ACACA: variants seen among roughly 807,000 people sequenced by gnomAD.
ACACA encodes acetyl-CoA carboxylase 1.
In ACACA, 103 loss-of-function variants were observed where a neutral mutation model predicts 296.1. That is an observed-to-expected ratio of 0.35 (90% confidence interval 0.30 to 0.41). The LOEUF (loss-of-function observed/expected upper bound fraction) is 0.41, where lower values mean the gene tolerates loss of function less well. ACACA is among the 10% of genes least tolerant of loss of function. ACACA has a pLI of 1.00. For synonymous variants in ACACA, 953 were observed against 1,038.6 expected (o/e 0.92, Z 1.58); for missense variants, 1,554 against 2,989.7 (o/e 0.52, Z 11.20).
intron 1 of ACACA, among the ~76,000 whole-genome samples, chr17:37,395,098 G>T (rs35296298): frequency 0.24 from 36,719 of 151,702 alleles, 4,565 homozygotes; most frequent in Middle Eastern, 0.37. Context: ...ATAATAAAAA[G>T]ACACATACAA....
In ACACA at chr17:37,232,528, AGC is replaced by A. The variant is rs565061218; in HGVS notation, c.3246+2445_3246+2446del. ...AGGAAGAAGGAAGGGGGAACAGCTA[AGC>A]GTTGTCAAAGAGGAAAAGAGGAAGA... On this transcript the variant is annotated intron_variant, in intron 25 of 55. Coordinates refer to ENST00000616317, the MANE Select transcript of ACACA (RefSeq NM_198834.3). 1.5e-3 allele frequency among the ~76,000 whole-genome samples: 222 copies of A among 152,288 alleles called. 1 individual carries two copies. The highest frequency in any genetic ancestry group is 0.012 in the Admixed American group (181 of 15,294).
At chr17:37,194,941 C>A (rs969116289) in intron 35 of ACACA, among the ~76,000 whole-genome samples, 7 of 151,912 alleles carry the variant, frequency 4.6e-5, no homozygotes, top group Admixed American at 6.6e-5. Flanking sequence ...ACACCCCCCC[C>A]ACCCGTTATG....
intron 1 of ACACA, among the ~76,000 whole-genome samples, chr17:37,393,336 A>G (rs558636970): frequency 6.6e-6 from 1 of 151,982 alleles, no homozygotes; most frequent in Admixed American, 6.6e-5. Context: ...ATAAAATAGG[A>G]AGAAAAAAAA....
At position 37,113,708 on chromosome 17, in the gene ACACA, A is replaced by AGC. The variant is rs2074096820; in HGVS notation, c.6275-444_6275-443insGC. On this transcript the variant is annotated intron_variant, in intron 50 of 55. Transcript: ENST00000616317. The surrounding 1 kb of genome is among the most constrained non-coding windows in gnomAD (Gnocchi z 4.0). Reference sequence around the variant, plus strand: ...TGCTTAGCATAGGATGAGCTCTTCAAATGTGCACCTAATGGAAATTGATCC... The same window carrying AGC: ...TGCTTAGCATAGGATGAGCTCTTCAAGCATGTGCACCTAATGGAAATTGATCC... Among the ~76,000 whole-genome samples the AGC allele has an allele frequency of 6.6e-6, 1 of 152,194 alleles. No homozygotes were observed. Among genetic ancestry groups the AGC allele is most frequent in the Non-Finnish European group, 1.5e-5 (1 of 68,044 alleles).
At chr17:37,201,410 G>A (rs893565290) in intron 33 of ACACA, among the ~76,000 whole-genome samples, 3 of 151,798 alleles carry the variant, frequency 2.0e-5, no homozygotes, top group African/African-American at 7.3e-5. Flanking sequence ...CTCCAGCCTG[G>A]GTGACAGAAT....
chr17:37,207,029 C>T lies in ACACA; in HGVS notation c.3852-150G>A, dbSNP rs192262706. 3.7e-4 allele frequency: 268 copies of T among 724,372 alleles called. 4 individuals are homozygous for T. Among genetic ancestry groups the T allele is most frequent in the South Asian group, 3.3e-3 (209 of 62,444 alleles). The allele number at this position is 724,372 out of a possible 1,614,324, so 44.9% of individuals were successfully genotyped here. On this transcript the variant is annotated intron_variant, in intron 31 of 55. Transcript: ENST00000616317. Reference sequence around the variant, plus strand: ...ATCACCAGTGGCTAGAGGTGACATGCAAAATTTCACCAAGTGGCAGAAATT... The same window carrying T: ...ATCACCAGTGGCTAGAGGTGACATGTAAAATTTCACCAAGTGGCAGAAATT...
intron 1 of ACACA, among the ~76,000 whole-genome samples, chr17:37,375,808 C>G: frequency 6.6e-6 from 1 of 152,196 alleles, no homozygotes; most frequent in East Asian, 1.9e-4. Flanking sequence ...TTATGGCCTT[C>G]CTGCTCGAGA....
At chr17:37,285,858 T>C (rs1299771407) in intron 3 of ACACA, among the ~76,000 whole-genome samples, 1 of 152,066 alleles carries the variant, frequency 6.6e-6, no homozygotes, top group Non-Finnish European at 1.5e-5. Context: ...TTGGTATGTA[T>C]TTTACAATTG....
chr17:37,135,912 C>CTTTT (rs746761290), intron 45 of ACACA, among the ~76,000 whole-genome samples: 2 of 137,728 alleles, frequency 1.5e-5, no homozygotes, highest in African/African-American at 2.7e-5. Flanking sequence ...AACAGGAATT[C>CTTTT]TTTTTTTTTT....
rs1461394236 is a variant in ACACA, at chr17:37,085,474, T to G, written c.*1842A>C. ...CACTTGTAGATATGTGGGATTTGAT[T>G]TATTGCAAAAAAGCATAGAAGAATA... On this transcript the variant is annotated 3_prime_UTR_variant, in exon 56 of 56. Transcript: ENST00000616317. The G allele has an allele frequency of 2.5e-6, 1 of 397,426 alleles. No individual in the cohort carries two copies. The highest frequency in any genetic ancestry group is 2.1e-5 in the African/African-American group (1 of 48,594). 24.6% of individuals were successfully genotyped at this position (397,426 alleles called of 1,614,324 possible).
chr17:37,217,251 ACT>A (rs1199160179), intron 29 of ACACA, among the ~76,000 whole-genome samples: 1 of 131,574 alleles, frequency 7.6e-6, no homozygotes, highest in Non-Finnish European at 1.6e-5. Flanking sequence ...ACAAGAGCAA[ACT>A]CTATCTCAAA....
In ACACA at chr17:37,285,194, C is replaced by T. The variant is rs968205143; in HGVS notation, c.339-224G>A. On this transcript the variant is annotated intron_variant, in intron 3 of 55. Transcript: ENST00000616317. ...TAATAAAAGATAATATCAAGGTTTA[C>T]CAGCAGATGCCATCACAAAGAGATA... Among the ~76,000 whole-genome samples, 5 of 152,216 alleles carry T rather than the reference C, an allele frequency of 3.3e-5. No individual in the cohort carries two copies. The East Asian group carries it at 5.8e-4, about 18-fold the overall frequency.
intron 3 of ACACA, among the ~76,000 whole-genome samples, chr17:37,297,604 G>A (rs932070742): frequency 8.6e-5 from 13 of 151,536 alleles, no homozygotes; most frequent in South Asian, 4.2e-4. Flanking sequence ...GTGTGATGGC[G>A]TGATCTCTGC....
chr17:37,275,831 T>C (rs996608760), intron 8 of ACACA, 120 bp downstream of exon 8: 4 of 860,392 alleles, frequency 4.6e-6, no homozygotes, highest in Middle Eastern at 3.2e-4. Flanking sequence ...AAGGTACCAT[T>C]AATCAACCAG....
intron 4 of ACACA, 76 bp downstream of exon 4, chr17:37,284,762 A>G: frequency 6.2e-7 from 1 of 1,600,242 alleles, no homozygotes; most frequent in South Asian, 1.1e-5. Context: ...ATTGGGAGCA[A>G]ATCTAGACAA....
At chr17:37,356,952 C>CA (rs1286122025) in intron 1 of ACACA, among the ~76,000 whole-genome samples, 4 of 152,254 alleles carry the variant, frequency 2.6e-5, no homozygotes, top group African/African-American at 4.8e-5. Context: ...TTTTCCTAGT[C>CA]ATTGACTGCA....
intron 10 of ACACA, among the ~76,000 whole-genome samples, chr17:37,265,618 G>C (rs1332993964): frequency 5.9e-5 from 9 of 152,280 alleles, no homozygotes; most frequent in Admixed American, 1.3e-4. Context: ...GGAAATAGGA[G>C]GTACATAGTA....
intron 22 of ACACA, 55 bp downstream of exon 22, chr17:37,243,316 A>G: frequency 6.5e-7 from 1 of 1,537,214 alleles, no homozygotes; most frequent in Middle Eastern, 1.8e-4. Flanking sequence ...GAATCCTACA[A>G]CATAAACTCT....
chr17:37,129,816 C>G (rs986160678), intron 46 of ACACA, among the ~76,000 whole-genome samples: 2 of 152,166 alleles, frequency 1.3e-5, no homozygotes, highest in African/African-American at 2.4e-5. Flanking sequence ...ATACTGGGAT[C>G]TGAGCCTTAG....
Sources: allele counts gnomAD v4.1 joint callset (sites outside exome capture counted in the v4.1 genomes callset), GRCh38; gene constraint gnomAD v4.1.1; non-coding constraint Gnocchi (gnomAD v3.1); transcripts MANE v1.5; gene names NCBI Gene and HGNC (gene_info 2026-07-23, HGNC 2026-07-21).